The following PDHX variants were observed in gnomAD, a reference collection of about 807,000 sequenced individuals.
PDHX encodes the protein pyruvate dehydrogenase protein X component, mitochondrial.
PDHX carries 33 observed loss-of-function variants against 55.3 expected under a neutral mutation model. The observed-to-expected ratio is 0.60, with a 90% CI of 0.45 to 0.80. The LOEUF is 0.80. Ranked by LOEUF, PDHX falls within the 30% of genes least tolerant of loss-of-function variation. The probability of loss-of-function intolerance (pLI) is 0.00; values close to 1 mark genes in which losing one functional copy is unlikely to be tolerated. For missense variants in PDHX, 622 were observed against 619.9 expected, an observed-to-expected ratio of 1.00 and a Z score of -0.04; for synonymous variants, 226 against 219.4, an observed-to-expected ratio of 1.03 and a Z score of -0.27.
At chr11:34,921,234 G>A (rs1213944229) in intron 1 of PDHX, among the ~76,000 whole-genome samples, 1 of 152,100 alleles carries the variant, frequency 6.6e-6, no homozygotes, top group Non-Finnish European at 1.5e-5. Context: ...TTCTTCTAGG[G>A]CTCATATTAT....
chr11:34,928,978 A>T (rs1030624342), intron 1 of PDHX, among the ~76,000 whole-genome samples: 18 of 152,230 alleles, frequency 1.2e-4, no homozygotes, highest in Admixed American at 8.5e-4. Context: ...GCTATCTTCT[A>T]GTTATAATTT....
chr11:34,921,503 C>A (rs991569657), intron 1 of PDHX, among the ~76,000 whole-genome samples: 3 of 152,196 alleles, frequency 2.0e-5, no homozygotes, highest in Admixed American at 6.5e-5. Flanking sequence ...CTTTCGAAGG[C>A]TACGATTTGG....
chr11:34,920,646 T>A (rs1853855618), intron 1 of PDHX, among the ~76,000 whole-genome samples: 1 of 152,192 alleles, frequency 6.6e-6, no homozygotes, highest in African/African-American at 2.4e-5. Flanking sequence ...TCTTTTTAGG[T>A]AGGAAATTGC....
At chr11:34,928,265 T>C (rs1854069476) in intron 1 of PDHX, among the ~76,000 whole-genome samples, 1 of 152,158 alleles carries the variant, frequency 6.6e-6, no homozygotes, top group Non-Finnish European at 1.5e-5. Flanking sequence ...TAGTTGCTTC[T>C]TTGAAATGGA....
chr11:34,972,524 A>AG (rs1855279663), intron 7 of PDHX, among the ~76,000 whole-genome samples: 1 of 151,640 alleles, frequency 6.6e-6, no homozygotes, highest in Non-Finnish European at 1.5e-5. Flanking sequence ...CAGTGCCCTG[A>AG]GTAGCTAGGA....
At chr11:34,989,213 A>G (rs919971263) in intron 9 of PDHX, among the ~76,000 whole-genome samples, 1 of 152,186 alleles carries the variant, frequency 6.6e-6, no homozygotes, top group African/African-American at 2.4e-5. Flanking sequence ...GCTCCATTTT[A>G]ATCTTATGGG....
chr11:34,922,589 A>G (rs1048666316), intron 1 of PDHX, among the ~76,000 whole-genome samples: 3 of 152,138 alleles, frequency 2.0e-5, no homozygotes, highest in Non-Finnish European at 4.4e-5. Context: ...CTAAATGAAC[A>G]TTTTTGCTTT....
At chr11:34,947,735 T>A in intron 3 of PDHX, 129 bp downstream of exon 3, 1 of 685,586 alleles carries the variant, frequency 1.5e-6, no homozygotes, top group Non-Finnish European at 2.6e-6. Context: ...TAATACATTT[T>A]TAGTTCAAGT....
chr11:34,970,099 C>T (rs1565164798), intron 6 of PDHX, 40 bp from the exon 7 acceptor site: 1 of 1,586,130 alleles, frequency 6.3e-7, no homozygotes, highest in Non-Finnish European at 8.7e-7. Context: ...TTTTTCTATT[C>T]CACTTGTGGT....
intron 5 of PDHX, among the ~76,000 whole-genome samples, chr11:34,962,525 G>C (rs1336683616): frequency 6.6e-6 from 1 of 152,194 alleles, no homozygotes; most frequent in Non-Finnish European, 1.5e-5. Flanking sequence ...AGCCATGTAG[G>C]TATTGGGATC....
intron 5 of PDHX, among the ~76,000 whole-genome samples, chr11:34,961,526 C>A (rs1036064671): frequency 1.3e-5 from 2 of 151,952 alleles, no homozygotes; most frequent in Non-Finnish European, 2.9e-5. Flanking sequence ...TAATATTGGC[C>A]AGAATTTTTG....
intron 5 of PDHX, among the ~76,000 whole-genome samples, 199 bp from the exon 6 acceptor site, chr11:34,966,441 T>C (rs1480292363): frequency 6.6e-6 from 1 of 152,208 alleles, no homozygotes; most frequent in Non-Finnish European, 1.5e-5. Flanking sequence ...TATGCAAATA[T>C]TAGAACGTGA....
intron 7 of PDHX, among the ~76,000 whole-genome samples, chr11:34,975,411 C>G (rs942386860): frequency 1.3e-5 from 2 of 151,934 alleles, no homozygotes; most frequent in African/African-American, 4.8e-5. Flanking sequence ...CTTAAATGCT[C>G]TATTTTTTTT....
At chr11:34,926,787 T>A (rs1854033763) in intron 1 of PDHX, among the ~76,000 whole-genome samples, 1 of 149,286 alleles carries the variant, frequency 6.7e-6, no homozygotes, top group Non-Finnish European at 1.5e-5. Flanking sequence ...AAAGAAATAC[T>A]TTAGGGAAGA....
At chr11:34,985,858 A>G (rs1259222427) in intron 9 of PDHX, among the ~76,000 whole-genome samples, 1 of 152,226 alleles carries the variant, frequency 6.6e-6, no homozygotes, top group Non-Finnish European at 1.5e-5. Flanking sequence ...ATCTGGTTTT[A>G]AAAGCATACC....
intron 8 of PDHX, 94 bp downstream of exon 8, chr11:34,978,276 C>T: frequency 1.3e-6 from 1 of 770,150 alleles, no homozygotes; most frequent in East Asian, 2.5e-5. Flanking sequence ...TTTTAAATCA[C>T]AAAAATTTTA....
At chr11:34,944,999 A>C (rs2986403) in intron 2 of PDHX, among the ~76,000 whole-genome samples, 118,799 of 151,972 alleles carry the variant, frequency 0.78, 46,605 homozygotes, top group East Asian at 0.8. Flanking sequence ...TAGATAATCA[A>C]CTTCTTATTT....
chr11:34,917,202 A>C (rs1213945932), intron 1 of PDHX, among the ~76,000 whole-genome samples: 1 of 152,112 alleles, frequency 6.6e-6, no homozygotes, highest in African/African-American at 2.4e-5. Context: ...CGAGATTGAA[A>C]AGCCACTGTT....
intron 1 of PDHX, among the ~76,000 whole-genome samples, chr11:34,926,316 C>A (rs1039562673): frequency 1.2e-4 from 19 of 152,154 alleles, no homozygotes; most frequent in African/African-American, 4.6e-4. Context: ...ATTTTGAAGG[C>A]TCCGTTTTAT....
Sources: gnomAD v4.1 joint callset for allele counts (sites outside exome capture counted in the v4.1 genomes callset) on GRCh38, gnomAD v4.1.1 for gene constraint, MANE v1.5 for transcripts, NCBI Gene and HGNC (gene_info 2026-07-23, HGNC 2026-07-21) for gene names.